Variants in DYNC2H1 observed in about 807,000 individuals in gnomAD.
DYNC2H1 encodes cytoplasmic dynein 2 heavy chain 1.
In DYNC2H1, 410 loss-of-function variants were observed where a neutral mutation model predicts 570.0. The ratio of observed to expected loss-of-function variants is 0.72; its 90% CI spans 0.66 to 0.78. The LOEUF is 0.78. Ranked by LOEUF, DYNC2H1 falls within the 30% of genes least tolerant of loss-of-function variation. DYNC2H1 has a pLI of 0.00. For missense variants in DYNC2H1, 4,865 were observed against 5,046.4 expected, an observed-to-expected ratio of 0.96 and a Z score of 1.09; for synonymous variants, 1,688 against 1,677.6, an observed-to-expected ratio of 1.01 and a Z score of -0.15.
intron 63 of DYNC2H1, among the ~76,000 whole-genome samples, chr11:103,238,659 AG>A (rs1864313599): frequency 6.6e-6 from 1 of 152,188 alleles, no homozygotes; most frequent in South Asian, 2.1e-4. Context: ...GGCTTTGCTA[AG>A]AAAGGCTTTT....
intron 22 of DYNC2H1, 53 bp downstream of exon 22, chr11:103,153,561 T>C (rs1221136090): frequency 7.1e-7 from 1 of 1,416,326 alleles, no homozygotes; most frequent in African/African-American, 1.5e-5. Context: ...ACAATTTATA[T>C]ATCAAGCTAG....
rs1858014703 is a variant in DYNC2H1 at position 103,109,663 on chromosome 11, A to G, written c.89A>G (p.Gln30Arg). 1.2e-6 allele frequency: 2 copies of G among 1,613,894 alleles called. No individual in the cohort carries two copies. Among genetic ancestry groups the G allele is most frequent in the Non-Finnish European group, 1.7e-6 (2 of 1,179,908 alleles). The change falls in exon 1 of 89, where the codon CAG (glutamine) becomes CGG (arginine). Residue 30 changes from glutamine to arginine, a missense_variant. Gln to Arg is a conservative substitution (Grantham distance 43). This residue lies in a region of DYNC2H1 where 1,936 missense variants were observed against 1,962.1 expected (regional missense o/e 0.99). Transcript: ENST00000375735. ...GGGTTGATGTCTGAACTCTGGGATCAGCCACTGTTGTGCAACTGTCTTGAA... is the reference window on the plus strand; with the variant it reads ...GGGTTGATGTCTGAACTCTGGGATCGGCCACTGTTGTGCAACTGTCTTGAA... The part of the protein sequence containing the change: ...YFGLMSELWD[Q>R]PLLCNCLEIN...
rs61904818 is a variant in DYNC2H1 at position 103,463,017 on chromosome 11, G to A, written c.12649-5572G>A. On this transcript the variant is annotated intron_variant, in intron 87 of 88. Transcript: ENST00000375735. ...TCAGTATAATATTTTATGGTGATTC[G>A]TTCTCAAAAATTATGTTTGCAGTTA... Among the ~76,000 whole-genome samples, 35 of 152,134 alleles carry A rather than the reference G, an allele frequency of 2.3e-4. No individual in the cohort carries two copies. In the South Asian group the frequency reaches 5.4e-3, roughly 23 times the overall value.
At position 103,179,149 on chromosome 11, in the gene DYNC2H1, C is replaced by T. The variant is rs1410774719; in HGVS notation, c.6263C>T (p.Pro2088Leu). 6.2e-7 allele frequency: 1 copy of T among 1,612,902 alleles called. No individual in the cohort carries two copies. Among genetic ancestry groups the T allele is most frequent in the South Asian group, 1.1e-5 (1 of 91,044 alleles). ...MPSGERIQFGPNVNFVFETHD... is the reference protein window; with the variant it reads ...MPSGERIQFGLNVNFVFETHD... The stretch of plus-strand genomic sequence containing the variant: ...AGTGGAGAAAGGATTCAGTTTGGCC[C>T]AAATGTTAACTTTGTATTTGAAACT... Residue 2088 changes from proline (P) to leucine (L), a missense_variant, in exon 39 of 89, where the codon CCA (proline) becomes CTA (leucine). This residue lies in a region of DYNC2H1 where 231 missense variants were observed against 310.3 expected (regional missense o/e 0.74). Coordinates refer to ENST00000375735, the MANE Select transcript of DYNC2H1 (RefSeq NM_001377.3).
At chr11:103,271,685 C>T (rs1275178739) in intron 70 of DYNC2H1, among the ~76,000 whole-genome samples, 2 of 152,086 alleles carry the variant, frequency 1.3e-5, no homozygotes, top group African/African-American at 2.4e-5. Context: ...TGTTAAGTGC[C>T]TTACATATAC....
Position 103,219,843 on chromosome 11 carries a change from A to G in DYNC2H1, c.8833-72A>G, listed in dbSNP as rs1863520501. ...ATAGAAAATGTTATTTTGAAATGTTATATTTTGGATTTCATGCTTTTAAAT... is the reference window on the plus strand; with the variant it reads ...ATAGAAAATGTTATTTTGAAATGTTGTATTTTGGATTTCATGCTTTTAAAT... On this transcript the variant is annotated intron_variant, in intron 55 of 88. Coordinates refer to ENST00000375735, the MANE Select transcript of DYNC2H1 (RefSeq NM_001377.3). 9 of 873,172 alleles carry G rather than the reference A, an allele frequency of 1.0e-5. No individual in the cohort carries two copies. In the South Asian group the frequency reaches 1.3e-4, roughly 13 times the overall value. 54.1% of individuals were successfully genotyped at this position (873,172 alleles called of 1,614,324 possible).
rs1324308254 is a variant in DYNC2H1 at position 103,363,728 on chromosome 11, A to C, written c.12156+5369A>C. On this transcript the variant is annotated intron_variant, in intron 83 of 88. Coordinates refer to ENST00000375735, the MANE Select transcript of DYNC2H1 (RefSeq NM_001377.3). This position sits in a 1 kb window ranked among gnomAD's most constrained non-coding sequence, Gnocchi z 5.6. ...GGAAAATATAAATTAAGTCTACATT[A>C]CTGATTGTGACTAATAATTTAAGGC... Among the ~76,000 whole-genome samples, 1 of 152,238 alleles carries C rather than the reference A, an allele frequency of 6.6e-6. No individual in the cohort carries two copies. Among genetic ancestry groups the C allele is most frequent in the African/African-American group, 2.4e-5 (1 of 41,460 alleles).
chr11:103,236,295 G>T, intron 62 of DYNC2H1, 135 bp from the exon 63 acceptor site: 2 of 607,116 alleles, frequency 3.3e-6, no homozygotes, highest in South Asian at 4.1e-5. Flanking sequence ...GTGGGTTTGG[G>T]TGTTAAATGT....
chr11:103,387,033 G>A (rs1032236577), intron 83 of DYNC2H1, among the ~76,000 whole-genome samples: 13 of 152,160 alleles, frequency 8.5e-5, no homozygotes, highest in African/African-American at 2.9e-4. Flanking sequence ...GGATGGCTGG[G>A]TCAAATGGTA....
In DYNC2H1 at chr11:103,184,875, A is replaced by T. The variant is rs376496832; in HGVS notation, c.6478-21A>T. On this transcript the variant is annotated intron_variant, in intron 40 of 88. Coordinates refer to ENST00000375735, the MANE Select transcript of DYNC2H1 (RefSeq NM_001377.3). ...TAATAGTTGCCTTTTGTCTGTTTGTATCACGGATTTTAATCAACAGAATGA... is the reference window on the plus strand; with the variant it reads ...TAATAGTTGCCTTTTGTCTGTTTGTTTCACGGATTTTAATCAACAGAATGA... 2.1e-5 allele frequency: 33 copies of T among 1,608,786 alleles called. No individual in the cohort carries two copies. The African/African-American group carries it at 4.1e-4, about 20-fold the overall frequency.
chr11:103,117,985 T>G, intron 6 of DYNC2H1, 122 bp downstream of exon 6: 1 of 800,916 alleles, frequency 1.2e-6, no homozygotes, highest in Non-Finnish European at 1.8e-6. Context: ...TGTGAGAGAA[T>G]AGGAATTAAA....
rs763525561 is a variant in DYNC2H1 at position 103,109,468 on chromosome 11, G to T, written c.-107G>T. ...CAACCGCGAAGCTCTGCGGTCCCGC[G>T]GTCGGGCTACGGGTTTGAGCAAAGC... On this transcript the variant is annotated 5_prime_UTR_variant, in exon 1 of 89. Transcript: ENST00000375735. The T allele has an allele frequency of 1.8e-6, 2 of 1,107,730 alleles. No individual in the cohort carries two copies. Among genetic ancestry groups the T allele is most frequent in the Non-Finnish European group, 2.5e-6 (2 of 799,258 alleles). 68.6% of individuals were successfully genotyped at this position (1,107,730 alleles called of 1,614,324 possible). A position where few individuals can be genotyped will look rare whatever the true frequency, so the allele number is the denominator to read the frequency against.
chr11:103,335,582 C>G (rs17100407), intron 82 of DYNC2H1, among the ~76,000 whole-genome samples: 39,302 of 151,814 alleles, frequency 0.26, 5,321 homozygotes, highest in Admixed American at 0.34. Context: ...TAAGTACAGT[C>G]ATATAATTTT....
chr11:103,369,054 T>C lies in DYNC2H1; in HGVS notation c.12156+10695T>C, dbSNP rs977393768. 1.3e-5 allele frequency among the ~76,000 whole-genome samples: 2 copies of C among 152,162 alleles called. No individual in the cohort carries two copies. The highest frequency in any genetic ancestry group is 2.9e-5 in the Non-Finnish European group (2 of 68,030). On this transcript the variant is annotated intron_variant, in intron 83 of 88. Transcript: ENST00000375735. This position sits in a 1 kb window ranked among gnomAD's most constrained non-coding sequence, Gnocchi z 4.0. ...ATAACTGGTTTTAACTTCTTATTGCTGAAAGAGGCATTGAAGAGGTAGGAA... is the reference window on the plus strand; with the variant it reads ...ATAACTGGTTTTAACTTCTTATTGCCGAAAGAGGCATTGAAGAGGTAGGAA...
intron 84 of DYNC2H1, 47 bp from the exon 85 acceptor site, chr11:103,435,896 G>T: frequency 6.3e-7 from 1 of 1,577,354 alleles, no homozygotes; most frequent in Non-Finnish European, 8.7e-7. Flanking sequence ...TCTTCTATAT[G>T]TAGTATCATA....
At chr11:103,215,999 T>A in intron 55 of DYNC2H1, 141 bp downstream of exon 55, 1 of 1,025,098 alleles carries the variant, frequency 9.8e-7, no homozygotes, top group Non-Finnish European at 1.4e-6. Flanking sequence ...ATTATGTCCT[T>A]AAGCTTTTGT....
rs12576037 is a variant in DYNC2H1 at position 103,170,311 on chromosome 11, A to C, written c.5151+21A>C. 0.11 allele frequency: 173,682 copies of C among 1,529,712 alleles called. 10,555 individuals carry two copies. Among genetic ancestry groups the C allele is most frequent in the East Asian group, 0.12 (5,023 of 41,516 alleles). 94.8% of individuals were successfully genotyped at this position (1,529,712 alleles called of 1,614,324 possible). On this transcript the variant is annotated intron_variant, in intron 33 of 88. Transcript: ENST00000375735. This position sits in a 1 kb window ranked among gnomAD's most constrained non-coding sequence, Gnocchi z 4.8. ...ATGAGGTAGAATAAATAATTATCAA[A>C]ATATGTAACAATGGGTTAATCATAT...
intron 3 of DYNC2H1, among the ~76,000 whole-genome samples, chr11:103,114,554 A>G (rs967886059): frequency 2.6e-5 from 4 of 152,144 alleles, no homozygotes; most frequent in Non-Finnish European, 4.4e-5. Context: ...TACTGGCCTC[A>G]AGGGATCCTC....
At position 103,299,247 on chromosome 11, in the gene DYNC2H1, C is replaced by T. The variant is rs1866955637; in HGVS notation, c.11096-3846C>T. On this transcript the variant is annotated intron_variant, in intron 75 of 88. Transcript: ENST00000375735. The surrounding 1 kb of genome is among the most constrained non-coding windows in gnomAD (Gnocchi z 4.5). ...TCTTATGGCATCATCCCATCCCATG[C>T]ACCCTGCTTTCATAGCTCAATCTGT... Among the ~76,000 whole-genome samples, 2 of 152,140 alleles carry T rather than the reference C, an allele frequency of 1.3e-5. No homozygotes were observed. The highest frequency in any genetic ancestry group is 4.1e-4 in the South Asian group (2 of 4,828).
Sources: gnomAD v4.1 joint callset for allele counts (sites outside exome capture counted in the v4.1 genomes callset) on GRCh38, gnomAD v4.1.1 for gene constraint, gnomAD v4.1.1 regional missense constraint, Gnocchi (gnomAD v3.1) non-coding constraint, MANE v1.5 for transcripts, NCBI Gene and HGNC (gene_info 2026-07-23, HGNC 2026-07-21) for gene names.